The following ADISSP variants were observed in gnomAD, a reference collection of about 807,000 sequenced individuals.
The protein encoded by ADISSP is adipose secreted signaling protein.
At chr20:3,757,622 C>A in the ADISSP span, among the ~76,000 whole-genome samples, 4 of 151,920 alleles carry the variant, frequency 2.6e-5, no homozygotes, top group Non-Finnish European at 5.9e-5. Flanking sequence ...ACCTGGGCCC[C>A]CCAGGTTCTT....
At chr20:3,764,930 C>T in the ADISSP span, among the ~76,000 whole-genome samples, 1 of 152,246 alleles carries the variant, frequency 6.6e-6, no homozygotes, top group Non-Finnish European at 1.5e-5. Flanking sequence ...ACTGGGACTC[C>T]TCAGGCCTTG....
the ADISSP span, among the ~76,000 whole-genome samples, chr20:3,760,353 G>A: frequency 7.2e-5 from 11 of 152,054 alleles, no homozygotes; most frequent in South Asian, 2.1e-4. Flanking sequence ...ACCCTCTACC[G>A]ACTGCCCACA....
the ADISSP span, chr20:3,755,282 A>G: frequency 5.1e-5 from 30 of 590,908 alleles, no homozygotes; most frequent in South Asian, 5.8e-4. Flanking sequence ...GAGCTCATGG[A>G]CTTCTGTTCA....
At chr20:3,754,754 C>T in the ADISSP span, among the ~76,000 whole-genome samples, 1 of 152,216 alleles carries the variant, frequency 6.6e-6, no homozygotes, top group Non-Finnish European at 1.5e-5. Flanking sequence ...GTGGGCCACC[C>T]CAATGTGGCT....
At chr20:3,760,250 A>C in the ADISSP span, 1 of 629,820 alleles carries the variant, frequency 1.6e-6, no homozygotes, top group Non-Finnish European at 2.8e-6. Context: ...GCTCAGGGAC[A>C]CCAGAGGAGC....
the ADISSP span, chr20:3,753,883 G>A: frequency 1.6e-6 from 1 of 613,940 alleles, no homozygotes. Context: ...AGGAGGACGA[G>A]GGAGGGGCAG....
chr20:3,763,237 CAG>C, the ADISSP span, among the ~76,000 whole-genome samples: 1 of 110,764 alleles, frequency 9.0e-6, no homozygotes. Context: ...GCCTGGGTGA[CAG>C]AGCGAGACTC....
the ADISSP span, chr20:3,753,976 AAGCC>A: frequency 9.3e-7 from 1 of 1,079,142 alleles, no homozygotes; most frequent in African/African-American, 1.5e-5. Flanking sequence ...AGGGGCGAGG[AAGCC>A]ACACCATCAC....
chr20:3,755,392 C>A, the ADISSP span: 3 of 1,418,468 alleles, frequency 2.1e-6, no homozygotes, highest in Non-Finnish European at 2.9e-6. Flanking sequence ...TGCCCATCCA[C>A]CCTAGTTGGA....
chr20:3,758,377 A>T, the ADISSP span, among the ~76,000 whole-genome samples: 1 of 152,166 alleles, frequency 6.6e-6, no homozygotes, highest in Non-Finnish European at 1.5e-5. The surrounding 1 kb of genome is among the most constrained non-coding windows in gnomAD (Gnocchi z 5.5). Context: ...ATCTCATTGA[A>T]ATCTCACTGC....
At chr20:3,763,126 T>G in the ADISSP span, among the ~76,000 whole-genome samples, 6 of 149,726 alleles carry the variant, frequency 4.0e-5, no homozygotes, top group African/African-American at 4.9e-5. Context: ...CATGGTGGTG[T>G]GCACCTGTAA....
chr20:3,759,928 T>C, the ADISSP span: 5 of 1,292,224 alleles, frequency 3.9e-6, no homozygotes, highest in Non-Finnish European at 5.5e-6. The surrounding 1 kb of genome is among the most constrained non-coding windows in gnomAD (Gnocchi z 4.6). Flanking sequence ...AACACTGACA[T>C]AGTCCCAATC....
At chr20:3,760,363 A>G in the ADISSP span, among the ~76,000 whole-genome samples, 1 of 152,112 alleles carries the variant, frequency 6.6e-6, no homozygotes, top group Non-Finnish European at 1.5e-5. Flanking sequence ...GACTGCCCAC[A>G]TTCACCAAGA....
chr20:3,754,032 G>A, the ADISSP span: 13 of 1,564,662 alleles, frequency 8.3e-6, no homozygotes, highest in African/African-American at 1.6e-4. Flanking sequence ...AGGCTGAGGG[G>A]CCCGGGGCAG....
the ADISSP span, chr20:3,758,521 T>C: frequency 6.2e-7 from 1 of 1,605,764 alleles, no homozygotes; most frequent in South Asian, 1.1e-5. The surrounding 1 kb of genome is among the most constrained non-coding windows in gnomAD (Gnocchi z 5.5). Context: ...GCTGATGGGG[T>C]AGGTGTGCAT....
chr20:3,764,913 G>A, the ADISSP span, among the ~76,000 whole-genome samples: 1 of 152,180 alleles, frequency 6.6e-6, no homozygotes, highest in Non-Finnish European at 1.5e-5. Context: ...CCACCAAGTG[G>A]CCTCCCACTG....
chr20:3,754,006 G>A, the ADISSP span: 6 of 1,371,354 alleles, frequency 4.4e-6, no homozygotes, highest in South Asian at 1.2e-5. Flanking sequence ...ATGTCGGGGG[G>A]ACAAGGCGGG....
the ADISSP span, among the ~76,000 whole-genome samples, chr20:3,763,279 C>T: frequency 7.3e-6 from 1 of 136,482 alleles, no homozygotes; most frequent in African/African-American, 2.7e-5. Context: ...AAAAAAAGGC[C>T]GGGTGAGGTG....
chr20:3,762,603 C>A, the ADISSP span, among the ~76,000 whole-genome samples: 3 of 152,206 alleles, frequency 2.0e-5, no homozygotes, highest in Non-Finnish European at 4.4e-5. Context: ...CCACCCACCT[C>A]AGCCTCCCAA....
Sources: gnomAD v4.1 joint callset for allele counts (sites outside exome capture counted in the v4.1 genomes callset) on GRCh38, gnomAD v4.1.1 for gene constraint, Gnocchi (gnomAD v3.1) non-coding constraint, MANE v1.5 for transcripts, NCBI Gene and HGNC (gene_info 2026-07-23, HGNC 2026-07-21) for gene names.